The following NLRC5 variants were observed in gnomAD, a reference collection of about 807,000 sequenced individuals.
NLRC5 encodes NLR family CARD domain containing 5.
NLRC5 carries 114 observed loss-of-function variants against 206.9 expected under a neutral mutation model. The ratio of observed to expected loss-of-function variants is 0.55; its 90% CI spans 0.47 to 0.64. NLRC5 has a LOEUF of 0.64. Among genes scored for constraint, NLRC5 ranks in the 30% least tolerant of loss-of-function variants. The pLI, the probability that NLRC5 is intolerant of heterozygous loss-of-function variation, is 0.00. For synonymous variants in NLRC5, 952 were observed against 962.8 expected, an observed-to-expected ratio of 0.99 and a Z score of 0.21; for missense variants, 2,008 against 2,305.5, an observed-to-expected ratio of 0.87 and a Z score of 2.64.
chr16:57,039,898 C>G, intron 16 of NLRC5, 49 bp downstream of exon 16: 1 of 1,479,070 alleles, frequency 6.8e-7, no homozygotes, highest in Non-Finnish European at 9.4e-7. Flanking sequence ...GGACATTCCC[C>G]TCTCTACCCT....
intron 38 of NLRC5, among the ~76,000 whole-genome samples, chr16:57,070,981 TTGG>T (rs1178417307): frequency 1.2e-4 from 5 of 42,366 alleles, no homozygotes; most frequent in African/African-American, 3.1e-4. Context: ...GTGAGTGGTG[TTGG>T]TGGTTAATGG....
intron 11 of NLRC5, among the ~76,000 whole-genome samples, chr16:57,032,543 T>G (rs1360664080): frequency 5.3e-5 from 8 of 152,098 alleles, no homozygotes; most frequent in Non-Finnish European, 1.2e-4. Flanking sequence ...AATTAAAATT[T>G]TAATGCTATT....
At chr16:57,073,142 G>A (rs1268398054) in intron 38 of NLRC5, among the ~76,000 whole-genome samples, 1 of 152,156 alleles carries the variant, frequency 6.6e-6, no homozygotes, top group Non-Finnish European at 1.5e-5. Context: ...CCTGGGCCGG[G>A]GACAGGACAG....
At position 57,020,872 on chromosome 16, in the gene NLRC5, G is replaced by A. The variant is rs1251519747; in HGVS notation, c.160G>A (p.Val54Ile). 4 of 1,613,748 alleles carry A rather than the reference G, an allele frequency of 2.5e-6. No homozygotes were observed. The highest frequency in any genetic ancestry group is 2.5e-6 in the Non-Finnish European group (3 of 1,180,002). ...CGAGACCTTGGACCCTGAACAGAGA[G>A]TCATCCTGCAACTCAACAAGCTGCA... ...RNETLDPEQRVILQLNKLHVQ... is the reference protein window; with the variant it reads ...RNETLDPEQRIILQLNKLHVQ... The change falls in exon 3 of 49, where the codon GTC becomes ATC. Residue 54 changes from valine to isoleucine, a missense_variant. Physicochemically the swap from Val to Ile is conservative, Grantham distance 29 (BLOSUM62 3). Transcript: ENST00000688547.
chr16:57,015,389 G>A (rs1012270855), intron 1 of NLRC5, among the ~76,000 whole-genome samples: 3 of 152,078 alleles, frequency 2.0e-5, no homozygotes, highest in Non-Finnish European at 2.9e-5. Context: ...TTCAGTCCAC[G>A]GCAAGTTTTT....
At chr16:57,057,973 A>C (rs1351824357) in intron 27 of NLRC5, 92 bp from the exon 28 acceptor site, 1 of 975,956 alleles carries the variant, frequency 1.0e-6, no homozygotes, top group Non-Finnish European at 1.6e-6. Flanking sequence ...GTCCAGTAGC[A>C]GTGACAGTGG....
At chr16:57,020,205 A>C (rs1463663771) in intron 2 of NLRC5, among the ~76,000 whole-genome samples, 2 of 133,728 alleles carry the variant, frequency 1.5e-5, no homozygotes, top group Admixed American at 7.9e-5. Flanking sequence ...GTTCATCTGT[A>C]CCCCACTCAC....
intron 1 of NLRC5, among the ~76,000 whole-genome samples, chr16:56,998,481 A>C (rs2057887566): frequency 6.6e-6 from 1 of 151,994 alleles, no homozygotes; most frequent in Non-Finnish European, 1.5e-5. Flanking sequence ...CCCCACAATA[A>C]CTCTGTGAGG....
chr16:57,013,160 A>G (rs2059675751), intron 1 of NLRC5: 1 of 357,768 alleles, frequency 2.8e-6, no homozygotes, highest in African/African-American at 2.2e-5. Flanking sequence ...GATTTAGAAA[A>G]TTTAAGTCCT....
intron 10 of NLRC5, 80 bp downstream of exon 10, chr16:57,030,164 C>T (rs2061643670): frequency 8.6e-7 from 1 of 1,160,214 alleles, no homozygotes; most frequent in Admixed American, 1.8e-5. Flanking sequence ...ATGGAGGAGG[C>T]CCCTCGTCTG....
rs2061259903 is a variant in NLRC5 at position 57,026,238 on chromosome 16, T to C, written c.1295T>C (p.Leu432Pro). Residue 432 changes from leucine to proline, a missense_variant, in exon 6 of 49, where the codon CTG (leucine) becomes CCG (proline). Coordinates refer to ENST00000688547, the MANE Select transcript of NLRC5 (RefSeq NM_001384950.1). ...DHAPGQSVALLPNMTQLYMQM... is the reference protein window; with the variant it reads ...DHAPGQSVALPPNMTQLYMQM... ...GCCCCAGGCCAGTCTGTGGCCCTCC[T>C]GCCCAACATGACTCAGCTCTATATG... 6.2e-7 allele frequency: 1 copy of C among 1,613,860 alleles called. No individual in the cohort carries two copies. Among genetic ancestry groups the C allele is most frequent in the Non-Finnish European group, 8.5e-7 (1 of 1,180,036 alleles).
At chr16:57,005,802 C>A (rs2058831414) in intron 1 of NLRC5, among the ~76,000 whole-genome samples, 1 of 151,808 alleles carries the variant, frequency 6.6e-6, no homozygotes, top group Non-Finnish European at 1.5e-5. Context: ...CACTTGTAGT[C>A]CCAGCTACTC....
At chr16:57,039,565 T>TA (rs397936111) in intron 15 of NLRC5, among the ~76,000 whole-genome samples, 2 of 151,238 alleles carry the variant, frequency 1.3e-5, no homozygotes, top group African/African-American at 2.4e-5. Context: ...CTTTTTTTTT[T>TA]AATTAGCTGG....
In NLRC5 at chr16:57,061,716, G is replaced by C; in HGVS notation, c.4154+15G>C. ...TTCAGCCTCAGGTACCTCCTCCCCCGCTGCCTCCGGGAGGGGCCATGGCAT... is the reference window on the plus strand; with the variant it reads ...TTCAGCCTCAGGTACCTCCTCCCCCCCTGCCTCCGGGAGGGGCCATGGCAT... On this transcript the variant is annotated intron_variant, in intron 32 of 48. Transcript: ENST00000688547. 6.3e-7 allele frequency: 1 copy of C among 1,593,892 alleles called. No homozygotes were observed. Among genetic ancestry groups the C allele is most frequent in the South Asian group, 1.1e-5 (1 of 89,482 alleles).
intron 39 of NLRC5, 53 bp downstream of exon 39, chr16:57,074,736 C>T: frequency 2.6e-6 from 4 of 1,525,776 alleles, no homozygotes; most frequent in Non-Finnish European, 3.6e-6. Context: ...ACTTCCCACT[C>T]AGTTGGGACC....
chr16:57,044,301 T>C (rs529113603), intron 20 of NLRC5, among the ~76,000 whole-genome samples: 1 of 126,118 alleles, frequency 7.9e-6, no homozygotes, highest in Admixed American at 7.5e-5. Flanking sequence ...TGAGACTCCA[T>C]CTCAAAAAAA....
intron 11 of NLRC5, 56 bp downstream of exon 11, chr16:57,031,519 A>C: frequency 1.3e-6 from 2 of 1,558,380 alleles, no homozygotes; most frequent in African/African-American, 1.4e-5. Flanking sequence ...ACTTGGGCTC[A>C]GGCAGTTGAG....
intron 1 of NLRC5, among the ~76,000 whole-genome samples, chr16:57,001,315 C>T (rs371398167): frequency 2.6e-4 from 40 of 152,364 alleles, no homozygotes; most frequent in African/African-American, 9.6e-4. Context: ...TATCACCCCA[C>T]AAACTGCATC....
intron 6 of NLRC5, 28 bp from the exon 7 acceptor site, chr16:57,028,044 T>C: frequency 1.3e-6 from 2 of 1,579,412 alleles, no homozygotes; most frequent in Non-Finnish European, 1.7e-6. Context: ...GCACTGATCC[T>C]CTGACACTTC....
Sources: allele counts gnomAD v4.1 joint callset (sites outside exome capture counted in the v4.1 genomes callset), GRCh38; gene constraint gnomAD v4.1.1; transcripts MANE v1.5; gene names NCBI Gene and HGNC (gene_info 2026-07-23, HGNC 2026-07-21).